The following TMEM114 variants were observed in gnomAD, a reference collection of about 807,000 sequenced individuals.
TMEM114 encodes transmembrane protein 114, also known as claudin-26.
TMEM114 carries 6 observed loss-of-function variants against 6.2 expected under a neutral mutation model. That is an observed-to-expected ratio of 0.97 (90% CI 0.53 to 1.91). The LOEUF is 1.91. TMEM114 is among the 40% of genes most tolerant of loss of function. The pLI, the probability that TMEM114 is intolerant of heterozygous loss-of-function variation, is 0.01. For missense variants in TMEM114, 218 were observed against 158.3 expected, an observed-to-expected ratio of 1.38 and a Z score of -2.02; for synonymous variants, 104 against 73.0, an observed-to-expected ratio of 1.42 and a Z score of -2.16.
intron 2 of TMEM114, among the ~76,000 whole-genome samples, chr16:8,587,987 C>T (rs36163138): frequency 0.046 from 6,978 of 151,690 alleles, 209 homozygotes; most frequent in Non-Finnish European, 0.057. Flanking sequence ...TTTCCTATCA[C>T]TATTAAAAAA....
downstream of TMEM114, chr16:8,569,449 G>C (rs776271610): frequency 1.4e-4 from 160 of 1,166,762 alleles, no homozygotes; most frequent in Non-Finnish European, 1.6e-4. Flanking sequence ...GGGTGAGGAG[G>C]AAATGAAGTC....
At position 8,571,630 on chromosome 16, in the gene TMEM114, A is replaced by C. The variant is rs562025904; in HGVS notation, c.439+457T>G. On this transcript the variant is annotated intron_variant, in intron 3 of 3. Coordinates refer to ENST00000620492, the MANE Select transcript of TMEM114 (RefSeq NM_001146336.2). ...CCTGTTCCATTCTCTCTTTCTGTGA[A>C]TTTGACTCTTCTAGATTCTACATAG... Among the ~76,000 whole-genome samples the C allele has an allele frequency of 1.0e-3, 151 of 149,648 alleles. 1 individual carries two copies. Among genetic ancestry groups the C allele is most frequent in the African/African-American group, 3.6e-3 (146 of 40,570 alleles).
intron 2 of TMEM114, among the ~76,000 whole-genome samples, chr16:8,542,237 T>C (rs1337739181): frequency 1.3e-5 from 2 of 152,186 alleles, no homozygotes; most frequent in Non-Finnish European, 2.9e-5. Context: ...GTTCCACCTG[T>C]AGGGCTCATT....
chr16:8,548,314 C>G (rs1325273615), intron 2 of TMEM114, among the ~76,000 whole-genome samples: 1 of 152,138 alleles, frequency 6.6e-6, no homozygotes, highest in African/African-American at 2.4e-5. Context: ...GTGTGCCTGA[C>G]CCATAGCAAA....
intron 2 of TMEM114, among the ~76,000 whole-genome samples, chr16:8,561,968 A>ATGAG (rs1173612254): frequency 6.7e-6 from 1 of 149,038 alleles, no homozygotes; most frequent in Non-Finnish European, 1.5e-5. Flanking sequence ...GAGGGAGGGA[A>ATGAG]TGAGTGAGTG....
At chr16:8,533,535 C>G (rs1900275380), downstream of TMEM114, among the ~76,000 whole-genome samples, 1 of 152,166 alleles carries the variant, frequency 6.6e-6, no homozygotes, top group Admixed American at 6.5e-5. Context: ...AATAGGAAAC[C>G]ACTGAATATT....
At chr16:8,552,981 T>C (rs537533424) in intron 2 of TMEM114, among the ~76,000 whole-genome samples, 23 of 152,390 alleles carry the variant, frequency 1.5e-4, no homozygotes, top group Middle Eastern at 3.4e-3. Flanking sequence ...TCCATCCTTT[T>C]ATCCAGGTCC....
downstream of TMEM114, among the ~76,000 whole-genome samples, chr16:8,535,118 A>C (rs182508917): frequency 6.6e-6 from 1 of 152,278 alleles, no homozygotes; most frequent in Non-Finnish European, 1.5e-5. Flanking sequence ...CTCTGTGCCT[A>C]GTCTCTGAGT....
Position 8,589,619 on chromosome 16 carries a change from C to T in TMEM114, c.220G>A (p.Val74Met). The change falls in exon 1 of 4, where the codon GTG (valine) becomes ATG (methionine). Residue 74 changes from valine to methionine, a missense_variant and splice_region_variant. Coordinates refer to ENST00000620492, the MANE Select transcript of TMEM114 (RefSeq NM_001146336.2). ...SHSGLWRTCR[V>M]QSPCTPLMNP... ...TCCCAGCCACGGGGTGCACCCTTAC[C>T]CCGGCAGGTCCGCCAGAGGCCGGAG... 1 of 398,540 alleles carries T rather than the reference C, an allele frequency of 2.5e-6. No individual in the cohort carries two copies. Among genetic ancestry groups the T allele is most frequent in the East Asian group, 3.6e-5 (1 of 28,062 alleles). 24.7% of individuals were successfully genotyped at this position (398,540 alleles called of 1,614,324 possible).
chr16:8,536,044 T>G (rs11860075), downstream of TMEM114, among the ~76,000 whole-genome samples: 20,418 of 151,898 alleles, frequency 0.13, 1,814 homozygotes, highest in African/African-American at 0.25. Context: ...TGTCCAACGT[T>G]GTGAAACCCC....
downstream of TMEM114, among the ~76,000 whole-genome samples, chr16:8,533,230 A>G (rs1486279038): frequency 6.6e-6 from 1 of 152,222 alleles, no homozygotes; most frequent in Non-Finnish European, 1.5e-5. Flanking sequence ...AGATGAAGGG[A>G]TTACTTTCGA....
chr16:8,548,006 C>A (rs1194855196), intron 2 of TMEM114, among the ~76,000 whole-genome samples: 2 of 152,136 alleles, frequency 1.3e-5, no homozygotes, highest in Non-Finnish European at 2.9e-5. Context: ...AGGAACAAGA[C>A]TCTGGCCAAA....
chr16:8,565,447 T>G (rs1901509021), downstream of TMEM114, among the ~76,000 whole-genome samples: 1 of 152,060 alleles, frequency 6.6e-6, no homozygotes, highest in Non-Finnish European at 1.5e-5. Context: ...TTGCCAGGGG[T>G]TCCAGCCAGG....
chr16:8,551,675 C>G (rs1400396067), intron 2 of TMEM114, among the ~76,000 whole-genome samples: 1 of 152,186 alleles, frequency 6.6e-6, no homozygotes, highest in Non-Finnish European at 1.5e-5. Flanking sequence ...TTTTCAAAAC[C>G]TTTCATAGAG....
At chr16:8,555,638 C>G (rs1449283729) in intron 2 of TMEM114, among the ~76,000 whole-genome samples, 1 of 152,186 alleles carries the variant, frequency 6.6e-6, no homozygotes, top group East Asian at 1.9e-4. Flanking sequence ...TGCTGCCTAT[C>G]TCACTATTGT....
chr16:8,539,289 G>A (rs998333213), intron 2 of TMEM114, among the ~76,000 whole-genome samples: 4 of 152,068 alleles, frequency 2.6e-5, no homozygotes, highest in East Asian at 1.9e-4. Context: ...CACAAGATTC[G>A]GGAGTCCTTT....
At chr16:8,531,376 C>T in the TMEM114 span, among the ~76,000 whole-genome samples, 6 of 152,294 alleles carry the variant, frequency 3.9e-5, no homozygotes, top group East Asian at 9.6e-4. Context: ...TATCCCATTC[C>T]AACCCCCTCC....
intron 2 of TMEM114, among the ~76,000 whole-genome samples, chr16:8,562,115 A>G (rs1315761851): frequency 1.3e-5 from 2 of 151,580 alleles, no homozygotes; most frequent in African/African-American, 4.9e-5. Context: ...TGAGCGAATA[A>G]GTAAGTGAAT....
At chr16:8,575,348 A>T (rs1348984806) in intron 2 of TMEM114, among the ~76,000 whole-genome samples, 1 of 152,226 alleles carries the variant, frequency 6.6e-6, no homozygotes, top group Non-Finnish European at 1.5e-5. Context: ...GAAGACAAAA[A>T]TAAATAAGTC....
Sources: gnomAD v4.1 joint callset for allele counts (sites outside exome capture counted in the v4.1 genomes callset) on GRCh38, gnomAD v4.1.1 for gene constraint, MANE v1.5 for transcripts, NCBI Gene and HGNC (gene_info 2026-07-23, HGNC 2026-07-21) for gene names.